Variants in IKBKB observed in about 807,000 individuals in gnomAD.
IKBKB encodes the protein inhibitor of nuclear factor kappa-B kinase subunit beta.
In IKBKB, 42 loss-of-function variants were observed where a neutral mutation model predicts 113.6. That is an observed-to-expected ratio of 0.37 (90% CI 0.29 to 0.48). IKBKB has a LOEUF of 0.48. Ranked by LOEUF, IKBKB falls within the 20% of genes least tolerant of loss-of-function variation. IKBKB has a pLI of 0.99. For missense variants in IKBKB, 673 were observed against 939.7 expected (o/e 0.72, Z 3.71); for synonymous variants, 296 against 361.3 (o/e 0.82, Z 2.05).
rs1223686737 is a variant in IKBKB at position 42,274,791 on chromosome 8, C to CG, written c.105+2586_105+2587insG. ...TAGGTGATCCCCGCCGGCGCGCCCC[C>CG]CCCCCCCCCCGCCATCCCAGCCTCC... On this transcript the variant is annotated intron_variant, in intron 2 of 21. Transcript: ENST00000520810. 4.3e-4 allele frequency among the ~76,000 whole-genome samples: 17 copies of CG among 39,156 alleles called. 6 individuals carry two copies. Among genetic ancestry groups the CG allele is most frequent in the Non-Finnish European group, 8.0e-4 (14 of 17,492 alleles). The allele number at this position is 39,156 out of a possible 152,430, so 25.7% of individuals were successfully genotyped here.
In IKBKB at chr8:42,319,264, C is replaced by T. The variant is rs1385503544; in HGVS notation, c.1365-6C>T. 3.7e-6 allele frequency: 6 copies of T among 1,613,872 alleles called. No homozygotes were observed. In the Admixed American group the frequency reaches 8.3e-5, roughly 22 times the overall value. ...GCTCCAAGACTGTTCCTTGTGGTCC[C>T]TGCAGGATGAATCTCCTCCGAAACA... On this transcript the variant is annotated splice_region_variant and splice_polypyrimidine_tract_variant and intron_variant, in intron 13 of 21. Coordinates refer to ENST00000520810, the MANE Select transcript of IKBKB (RefSeq NM_001556.3).
At chr8:42,295,810 A>G (rs1813666990) in intron 5 of IKBKB, among the ~76,000 whole-genome samples, 3 of 151,864 alleles carry the variant, frequency 2.0e-5, no homozygotes, top group African/African-American at 7.3e-5. Context: ...TTTGCTGCTG[A>G]TATTCACAGA....
At chr8:42,329,280 A>G in intron 21 of IKBKB, 66 bp downstream of exon 21, 1 of 1,505,768 alleles carries the variant, frequency 6.6e-7, no homozygotes, top group Non-Finnish European at 8.9e-7. Flanking sequence ...TAGAAGAGAA[A>G]ATGGAAATGC....
chr8:42,294,299 T>C (rs557128416), intron 5 of IKBKB, among the ~76,000 whole-genome samples: 12 of 152,378 alleles, frequency 7.9e-5, no homozygotes, highest in African/African-American at 2.4e-4. Flanking sequence ...TACCTCAACC[T>C]TTCAAAGCTG....
chr8:42,300,762 C>G (rs1195561480), intron 5 of IKBKB, among the ~76,000 whole-genome samples: 1 of 152,238 alleles, frequency 6.6e-6, no homozygotes, highest in Non-Finnish European at 1.5e-5. Context: ...TATGGCAAGT[C>G]TGCCATGTGG....
At chr8:42,296,929 T>G (rs1420540430) in intron 5 of IKBKB, among the ~76,000 whole-genome samples, 12 of 152,256 alleles carry the variant, frequency 7.9e-5, no homozygotes, top group Non-Finnish European at 1.5e-5. Flanking sequence ...CTGCAGAATG[T>G]GCAGTCAGCA....
chr8:42,308,698 G>A (rs1392708859), intron 7 of IKBKB, among the ~76,000 whole-genome samples: 2 of 152,200 alleles, frequency 1.3e-5, no homozygotes, highest in East Asian at 1.9e-4. Context: ...ACCTACTGGA[G>A]TGAGTGGGAC....
At position 42,277,027 on chromosome 8, in the gene IKBKB, C is replaced by T. The variant is rs562489499; in HGVS notation, c.105+4822C>T. 9.8e-4 allele frequency among the ~76,000 whole-genome samples: 148 copies of T among 150,624 alleles called. 1 individual carries two copies. Among genetic ancestry groups the T allele is most frequent in the Non-Finnish European group, 1.8e-3 (122 of 67,710 alleles). ...GACTGCTGGCGCCTGCCACCACCCC[C>T]GACTAATTTTTTTTTTGTATTTTTA... On this transcript the variant is annotated intron_variant, in intron 2 of 21. Coordinates refer to ENST00000520810, the MANE Select transcript of IKBKB (RefSeq NM_001556.3).
rs934674372 is a variant in IKBKB, at chr8:42,331,777, A to G, written c.*798A>G. 3 of 319,166 alleles carry G rather than the reference A, an allele frequency of 9.4e-6. No homozygotes were observed. The highest frequency in any genetic ancestry group is 8.1e-5 in the East Asian group (1 of 12,386). 19.8% of individuals were successfully genotyped at this position (319,166 alleles called of 1,614,324 possible). A position where few individuals can be genotyped will look rare whatever the true frequency, so the allele number is the denominator to read the frequency against. On this transcript the variant is annotated 3_prime_UTR_variant, in exon 22 of 22. Transcript: ENST00000520810. ...TGATTGTCACAGAGGAGGGACAGAAAGGGTATCTGCTGACCACCAGCCTGC... is the reference window on the plus strand; with the variant it reads ...TGATTGTCACAGAGGAGGGACAGAAGGGGTATCTGCTGACCACCAGCCTGC...
chr8:42,316,867 C>T lies in IKBKB; in HGVS notation c.1088C>T (p.Pro363Leu). ...LLQEAGLALI[P>L]DKPATQCISD... Reference sequence around the variant, plus strand: ...CAGGAAGCGGGCCTGGCGTTGATCCCCGATAAGCCTGCCACTCAGTGTATT... The same window carrying T: ...CAGGAAGCGGGCCTGGCGTTGATCCTCGATAAGCCTGCCACTCAGTGTATT... Residue 363 changes from proline to leucine, a missense_variant, in exon 11 of 22, where the codon CCC becomes CTC. Coordinates refer to ENST00000520810, the MANE Select transcript of IKBKB (RefSeq NM_001556.3). This position sits in a 1 kb window ranked among gnomAD's most constrained non-coding sequence, Gnocchi z 4.5. 6.2e-7 allele frequency: 1 copy of T among 1,614,108 alleles called. No homozygotes were observed. The highest frequency in any genetic ancestry group is 8.5e-7 in the Non-Finnish European group (1 of 1,180,032).
At chr8:42,325,814 C>T (rs1293670635) in intron 19 of IKBKB, 156 bp from the exon 20 acceptor site, 4 of 1,482,164 alleles carry the variant, frequency 2.7e-6, no homozygotes, top group African/African-American at 2.8e-5. Flanking sequence ...ATGTGAAGCA[C>T]CAGTTGACCC....
chr8:42,307,028 G>A (rs565079531), intron 7 of IKBKB, among the ~76,000 whole-genome samples: 12 of 152,364 alleles, frequency 7.9e-5, no homozygotes, highest in Non-Finnish European at 1.5e-4. Flanking sequence ...GGCCTTCAGA[G>A]CTTAGGGTTT....
intron 2 of IKBKB, among the ~76,000 whole-genome samples, chr8:42,280,321 G>A (rs1348796860): frequency 6.6e-6 from 1 of 152,124 alleles, no homozygotes; most frequent in East Asian, 1.9e-4. Context: ...TCCACATTGT[G>A]TCGGGACTCC....
chr8:42,301,379 C>T (rs1815180992), intron 5 of IKBKB, among the ~76,000 whole-genome samples: 1 of 152,132 alleles, frequency 6.6e-6, no homozygotes, highest in Non-Finnish European at 1.5e-5. Context: ...CATTTTTCAT[C>T]AAATTTAAAC....
chr8:42,312,804 G>A (rs145009336), intron 8 of IKBKB, among the ~76,000 whole-genome samples: 6 of 152,298 alleles, frequency 3.9e-5, no homozygotes, highest in East Asian at 1.9e-4. Context: ...GTGTGCTCCC[G>A]ATAGGCCGGT....
In IKBKB at chr8:42,284,595, A is replaced by AG. The variant is rs1376719036; in HGVS notation, c.106-4039_106-4038insG. Among the ~76,000 whole-genome samples, 3 of 152,074 alleles carry AG rather than the reference A, an allele frequency of 2.0e-5. No homozygotes were observed. In the East Asian group the frequency reaches 5.9e-4, roughly 30 times the overall value. On this transcript the variant is annotated intron_variant, in intron 2 of 21. Transcript: ENST00000520810. ...AGACTCCGTCTCAAAAAAAAAAAAA[A>AG]AATACCGAGGTGATACTGCTACAAC... is the stretch of plus-strand genomic sequence containing the variant.
chr8:42,275,114 C>G (rs1341047010), intron 2 of IKBKB, among the ~76,000 whole-genome samples: 1 of 151,896 alleles, frequency 6.6e-6, no homozygotes, highest in Non-Finnish European at 1.5e-5. Flanking sequence ...TGACTTCAGG[C>G]GATCTGCCTG....
intron 5 of IKBKB, among the ~76,000 whole-genome samples, chr8:42,299,516 G>A (rs141827737): frequency 5.3e-5 from 8 of 151,510 alleles, no homozygotes; most frequent in East Asian, 1.9e-4. Context: ...GCCTCCAGGC[G>A]TGACCCTCAG....
At chr8:42,325,661 G>C (rs920894538) in intron 19 of IKBKB, 37 of 1,115,308 alleles carry the variant, frequency 3.3e-5, no homozygotes, top group Non-Finnish European at 4.1e-5. Context: ...CCAGGCGACA[G>C]AGCAAGACTC....
Sources: allele counts gnomAD v4.1 joint callset (sites outside exome capture counted in the v4.1 genomes callset), GRCh38; gene constraint gnomAD v4.1.1; non-coding constraint Gnocchi (gnomAD v3.1); transcripts MANE v1.5; gene names NCBI Gene and HGNC (gene_info 2026-07-23, HGNC 2026-07-21).